Variants in RASSF9 observed in about 807,000 individuals in gnomAD.
RASSF9 encodes the protein Ras association domain family member 9.
In RASSF9, 18 loss-of-function variants were observed where a neutral mutation model predicts 21.4. That is an observed-to-expected ratio of 0.84 (90% confidence interval 0.58 to 1.25). RASSF9 has a LOEUF of 1.25. Among genes scored for constraint, RASSF9 ranks in the 50% most tolerant of loss-of-function variants. The pLI, the probability that RASSF9 is intolerant of heterozygous loss-of-function variation, is 0.00. For missense variants in RASSF9, 480 were observed against 503.2 expected, an observed-to-expected ratio of 0.95 and a Z score of 0.44; for synonymous variants, 183 against 179.1, an observed-to-expected ratio of 1.02 and a Z score of -0.18.
rs937162331 is a variant in RASSF9 at position 85,804,523 on chromosome 12, A to G, written c.*179T>C. 1.7e-6 allele frequency: 1 copy of G among 579,822 alleles called. No individual in the cohort carries two copies. The allele number at this position is 579,822 out of a possible 1,614,324, so 35.9% of individuals were successfully genotyped here. ...AAATAGTTCATTGCTTGAACTTGCA[A>G]TAATTAAAGTTCCTTTGGAAATTTC... On this transcript the variant is annotated 3_prime_UTR_variant, in exon 2 of 2. Transcript: ENST00000361228.
At chr12:85,807,644 C>T (rs760015302) in intron 1 of RASSF9, among the ~76,000 whole-genome samples, 32 of 151,868 alleles carry the variant, frequency 2.1e-4, no homozygotes, top group Non-Finnish European at 2.6e-4. Context: ...CTACCCAGCA[C>T]GGAGAGGCAC....
At chr12:85,833,120 T>A (rs890884873) in intron 1 of RASSF9, among the ~76,000 whole-genome samples, 2 of 151,900 alleles carry the variant, frequency 1.3e-5, no homozygotes, top group Non-Finnish European at 2.9e-5. Context: ...TGTAGTAGGA[T>A]AAGATTAGGT....
At chr12:85,812,524 T>G (rs958662694) in intron 1 of RASSF9, among the ~76,000 whole-genome samples, 1 of 151,190 alleles carries the variant, frequency 6.6e-6, no homozygotes, top group Non-Finnish European at 1.5e-5. Context: ...ACGATTGAAC[T>G]TGAAAATTTA....
At chr12:85,806,329 C>T (rs61928918) in intron 1 of RASSF9, among the ~76,000 whole-genome samples, 10,741 of 149,126 alleles carry the variant, frequency 0.072, 542 homozygotes, top group Middle Eastern at 0.18. Flanking sequence ...GGATTACAGG[C>T]GTGAGCCACT....
At position 85,806,035 on chromosome 12, in the gene RASSF9, G is replaced by T. The variant is rs375302431; in HGVS notation, c.48-73C>A. On this transcript the variant is annotated intron_variant, in intron 1 of 1. Coordinates refer to ENST00000361228, the MANE Select transcript of RASSF9 (RefSeq NM_005447.4). ...AACTCAGAAAGATGGTTTAACATTA[G>T]TATGCTTTCTAGATTTTTACCCTTA... is the stretch of plus-strand genomic sequence containing the variant. 28 of 1,461,064 alleles carry T rather than the reference G, an allele frequency of 1.9e-5. No homozygotes were observed. The East Asian group carries it at 4.1e-4, about 22-fold the overall frequency. 90.5% of individuals were successfully genotyped at this position (1,461,064 alleles called of 1,614,324 possible).
At chr12:85,824,603 C>T (rs1333891619) in intron 1 of RASSF9, among the ~76,000 whole-genome samples, 1 of 152,080 alleles carries the variant, frequency 6.6e-6, no homozygotes, top group Non-Finnish European at 1.5e-5. Flanking sequence ...GCATTTTAAA[C>T]CTGTCTCTGT....
intron 1 of RASSF9, among the ~76,000 whole-genome samples, chr12:85,822,149 AAG>A (rs1241691941): frequency 6.6e-6 from 1 of 152,192 alleles, no homozygotes; most frequent in Non-Finnish European, 1.5e-5. Context: ...AGCTATTAGT[AAG>A]AGATTTTCTT....
chr12:85,806,803 G>A lies in RASSF9; in HGVS notation c.48-841C>T, dbSNP rs976403625. Reference sequence around the variant, plus strand: ...CTGGGAAGAGCAAACTTTCATTCAAGAAAACTGAGGCTATTTTAATTAAAG... The same window carrying A: ...CTGGGAAGAGCAAACTTTCATTCAAAAAAACTGAGGCTATTTTAATTAAAG... On this transcript the variant is annotated intron_variant, in intron 1 of 1. Transcript: ENST00000361228. Among the ~76,000 whole-genome samples the A allele has an allele frequency of 2.7e-5, 4 of 149,360 alleles. No homozygotes were observed. In the Admixed American group the frequency reaches 2.7e-4, roughly 10 times the overall value.
chr12:85,814,154 A>T (rs1016092416), intron 1 of RASSF9, among the ~76,000 whole-genome samples: 2 of 152,072 alleles, frequency 1.3e-5, no homozygotes, highest in Non-Finnish European at 2.9e-5. Context: ...GGCATATCTG[A>T]GTCTTGGCCA....
At chr12:85,833,461 A>T (rs140070577) in intron 1 of RASSF9, among the ~76,000 whole-genome samples, 485 of 151,976 alleles carry the variant, frequency 3.2e-3, no homozygotes, top group African/African-American at 0.011. Flanking sequence ...TCATACTTTG[A>T]AGTTTTAATT....
At position 85,827,915 on chromosome 12, in the gene RASSF9, G is replaced by A. The variant is rs547411334; in HGVS notation, c.47+8240C>T. ...CCATCTACCACTGCATTATACATTC[G>A]ATCAGAGGAAAAACCTTGATTATCT... On this transcript the variant is annotated intron_variant, in intron 1 of 1. Transcript: ENST00000361228. 1.4e-3 allele frequency among the ~76,000 whole-genome samples: 212 copies of A among 152,214 alleles called. 1 individual carries two copies. Among genetic ancestry groups the A allele is most frequent in the Middle Eastern group, 3.4e-3 (1 of 294 alleles).
intron 1 of RASSF9, among the ~76,000 whole-genome samples, chr12:85,821,781 A>G (rs1880217517): frequency 6.6e-6 from 1 of 152,142 alleles, no homozygotes; most frequent in South Asian, 2.1e-4. Context: ...TAGACATTCC[A>G]TAGTGGCCGG....
chr12:85,817,945 AC>A (rs1880114435), intron 1 of RASSF9, among the ~76,000 whole-genome samples: 1 of 152,186 alleles, frequency 6.6e-6, no homozygotes, highest in Non-Finnish European at 1.5e-5. Flanking sequence ...TGTCCTCAAT[AC>A]CTTCAATTCA....
At chr12:85,829,778 A>C (rs578250844) in intron 1 of RASSF9, among the ~76,000 whole-genome samples, 435 of 152,118 alleles carry the variant, frequency 2.9e-3, no homozygotes, top group Admixed American at 5.6e-3. Flanking sequence ...TTGAGCACCT[A>C]CTCTACAGAG....
intron 1 of RASSF9, among the ~76,000 whole-genome samples, chr12:85,834,429 C>T (rs1019790833): frequency 2.6e-5 from 4 of 152,024 alleles, no homozygotes; most frequent in African/African-American, 4.8e-5. Flanking sequence ...TGCATACTCA[C>T]CTCCTCGAAA....
At chr12:85,832,880 T>C (rs1880480756) in intron 1 of RASSF9, among the ~76,000 whole-genome samples, 1 of 151,928 alleles carries the variant, frequency 6.6e-6, no homozygotes, top group Non-Finnish European at 1.5e-5. Context: ...GTCTTCCAAT[T>C]AAACATTACT....
chr12:85,830,839 G>A (rs1348506365), intron 1 of RASSF9, among the ~76,000 whole-genome samples: 1 of 151,874 alleles, frequency 6.6e-6, no homozygotes, highest in Non-Finnish European at 1.5e-5. Context: ...TTCTCTAGAA[G>A]GTGTAGTACT....
intron 1 of RASSF9, among the ~76,000 whole-genome samples, chr12:85,818,555 G>A (rs1880129551): frequency 6.6e-6 from 1 of 152,074 alleles, no homozygotes; most frequent in Admixed American, 6.5e-5. Context: ...CTACATCAAT[G>A]TATTATCAAT....
chr12:85,814,001 C>T (rs561195042), intron 1 of RASSF9, among the ~76,000 whole-genome samples: 58 of 152,048 alleles, frequency 3.8e-4, no homozygotes, highest in Non-Finnish European at 4.3e-4. Flanking sequence ...GCTTTTATTG[C>T]TTGAGTCTCT....
Sources: gnomAD v4.1 joint callset for allele counts (sites outside exome capture counted in the v4.1 genomes callset) on GRCh38, gnomAD v4.1.1 for gene constraint, MANE v1.5 for transcripts, NCBI Gene and HGNC (gene_info 2026-07-23, HGNC 2026-07-21) for gene names.